Variants in ALK observed in about 807,000 individuals in gnomAD.
The protein encoded by ALK is ALK tyrosine kinase receptor.
In ALK, 74 loss-of-function variants were observed where a neutral mutation model predicts 163.1. That is an observed-to-expected ratio of 0.45 (90% CI 0.38 to 0.55). The LOEUF is 0.55. Among genes scored for constraint, ALK ranks in the 20% least tolerant of loss-of-function variants. The pLI, the probability that ALK is intolerant of heterozygous loss-of-function variation, is 0.00. For missense variants in ALK, 2,063 were observed against 2,105.3 expected, an observed-to-expected ratio of 0.98 and a Z score of 0.39; for synonymous variants, 960 against 843.2, an observed-to-expected ratio of 1.14 and a Z score of -2.40.
At chr2:29,755,959 A>T (rs1266857106) in intron 1 of ALK, among the ~76,000 whole-genome samples, 2 of 152,246 alleles carry the variant, frequency 1.3e-5, no homozygotes, top group Non-Finnish European at 2.9e-5. Context: ...AAGTACATGC[A>T]AGGAGGCTGC....
chr2:29,692,399 C>A (rs1678425217), intron 3 of ALK, among the ~76,000 whole-genome samples: 1 of 152,308 alleles, frequency 6.6e-6, no homozygotes, highest in East Asian at 1.9e-4. Flanking sequence ...GGTCCCCAAC[C>A]TTTTTGGCAT....
chr2:29,296,678 C>T (rs778783812), intron 9 of ALK, among the ~76,000 whole-genome samples: 7 of 152,190 alleles, frequency 4.6e-5, no homozygotes, highest in Admixed American at 1.3e-4. Flanking sequence ...GCCTCTTCAT[C>T]CCTTGGAGAA....
chr2:29,847,037 C>G (rs61095685), intron 1 of ALK, among the ~76,000 whole-genome samples: 18,760 of 152,158 alleles, frequency 0.12, 1,439 homozygotes, highest in Middle Eastern at 0.23. Context: ...ATCACCCCTG[C>G]AGGGAAACGT....
At position 29,752,260 on chromosome 2, in the gene ALK, G is replaced by C. The variant is rs147015471; in HGVS notation, c.668-34563C>G. Among the ~76,000 whole-genome samples the C allele has an allele frequency of 1.8e-3, 274 of 152,018 alleles. 4 individuals are homozygous for C. The highest frequency in any genetic ancestry group is 6.0e-3 in the African/African-American group (250 of 41,446). On this transcript the variant is annotated intron_variant, in intron 1 of 28. Coordinates refer to ENST00000389048, the MANE Select transcript of ALK (RefSeq NM_004304.5). ...AACTATAAACTTGTGTAAGTGTTCC[G>C]AGCACGTTTAAGGTAGGCTAGGCTA...
intron 5 of ALK, among the ~76,000 whole-genome samples, chr2:29,357,727 A>C (rs545130045): frequency 2.0e-5 from 3 of 152,194 alleles, no homozygotes; most frequent in East Asian, 3.9e-4. Flanking sequence ...CTTTCATGTC[A>C]ATGCTCCCCC....
intron 26 of ALK, 73 bp from the exon 27 acceptor site, chr2:29,197,749 A>G: frequency 7.9e-7 from 1 of 1,257,928 alleles, no homozygotes; most frequent in Non-Finnish European, 1.2e-6. Context: ...ACACAGGCAC[A>G]CAGACATACA....
intron 1 of ALK, among the ~76,000 whole-genome samples, chr2:29,749,696 C>A (rs1244200013): frequency 6.6e-6 from 1 of 152,162 alleles, no homozygotes; most frequent in Non-Finnish European, 1.5e-5. Flanking sequence ...CACAGCATCT[C>A]CAACCCCCTG....
chr2:29,557,770 A>G (rs1488274154), intron 3 of ALK, among the ~76,000 whole-genome samples: 1 of 152,186 alleles, frequency 6.6e-6, no homozygotes, highest in African/African-American at 2.4e-5. Context: ...AGGTATACAT[A>G]GGTCCTAAGT....
At chr2:29,217,572 C>T (rs1427681518) in intron 23 of ALK, among the ~76,000 whole-genome samples, 2 of 152,138 alleles carry the variant, frequency 1.3e-5, no homozygotes, top group South Asian at 2.1e-4. Context: ...TCTGCACATC[C>T]GTTCTGTCAT....
intron 4 of ALK, among the ~76,000 whole-genome samples, chr2:29,393,030 T>C (rs549387815): frequency 6.6e-6 from 1 of 152,334 alleles, no homozygotes; most frequent in South Asian, 2.1e-4. Context: ...GGTCACTGAA[T>C]GTTCAAGGTC....
intron 1 of ALK, among the ~76,000 whole-genome samples, chr2:29,744,482 C>A (rs373760392): frequency 6.6e-6 from 1 of 152,150 alleles, no homozygotes; most frequent in Admixed American, 6.5e-5. Context: ...CTGGTCAACT[C>A]TAGCTCGCTT....
At chr2:29,369,308 T>TTGTGTGTGTGTGTG (rs3054016) in intron 5 of ALK, among the ~76,000 whole-genome samples, 2 of 145,298 alleles carry the variant, frequency 1.4e-5, no homozygotes, top group African/African-American at 5.0e-5. Context: ...ACGTGCATAT[T>TTGTGTGTGTGTGTG]TGTGTGTGTG....
chr2:29,782,168 T>C (rs1663839807), intron 1 of ALK, among the ~76,000 whole-genome samples: 1 of 152,176 alleles, frequency 6.6e-6, no homozygotes, highest in South Asian at 2.1e-4. Flanking sequence ...TGCAAGAGTC[T>C]TAAGTAAGAG....
rs945331033 is a variant in ALK, at chr2:29,461,151, G to A, written c.1154+70764C>T. On this transcript the variant is annotated intron_variant, in intron 4 of 28. Transcript: ENST00000389048. The stretch of plus-strand genomic sequence containing the variant: ...CAGTTCCAGGAAGGCTGAGAGAGGC[G>A]AGGAAGCTGCAGAAGAAAAGTTTGA... Among the ~76,000 whole-genome samples the A allele has an allele frequency of 6.6e-5, 10 of 152,180 alleles. No individual in the cohort carries two copies. In the East Asian group the frequency reaches 9.6e-4, roughly 15 times the overall value.
intron 3 of ALK, among the ~76,000 whole-genome samples, chr2:29,563,489 G>A (rs778913086): frequency 1.3e-5 from 2 of 152,172 alleles, no homozygotes; most frequent in Non-Finnish European, 2.9e-5. Flanking sequence ...GTGGGTCATG[G>A]CCTTCACCTG....
intron 1 of ALK, among the ~76,000 whole-genome samples, chr2:29,765,605 C>A (rs1215459972): frequency 1.3e-5 from 2 of 151,928 alleles, no homozygotes; most frequent in African/African-American, 4.8e-5. Context: ...AGCCACCATG[C>A]CTGGCGCTTT....
At chr2:29,707,129 G>A (rs1037843844) in intron 2 of ALK, among the ~76,000 whole-genome samples, 4 of 151,654 alleles carry the variant, frequency 2.6e-5, no homozygotes, top group African/African-American at 7.3e-5. Flanking sequence ...TGTCTAAATG[G>A]GTTTATTCCT....
intron 1 of ALK, among the ~76,000 whole-genome samples, chr2:29,767,813 C>T (rs113244331): frequency 4.6e-5 from 7 of 152,300 alleles, no homozygotes; most frequent in South Asian, 2.1e-4. Flanking sequence ...ATGTGCCTGG[C>T]GCCATCTGGC....
At chr2:29,659,378 G>A (rs764210218) in intron 3 of ALK, among the ~76,000 whole-genome samples, 1 of 152,154 alleles carries the variant, frequency 6.6e-6, no homozygotes, top group Non-Finnish European at 1.5e-5. Context: ...ACACCCAGGA[G>A]TGGGCTGTTC....
Sources: gnomAD v4.1 joint callset for allele counts (sites outside exome capture counted in the v4.1 genomes callset) on GRCh38, gnomAD v4.1.1 for gene constraint, MANE v1.5 for transcripts, NCBI Gene and HGNC (gene_info 2026-07-23, HGNC 2026-07-21) for gene names.